The following VPS26A variants were observed in gnomAD, a reference collection of about 807,000 sequenced individuals.
VPS26A encodes the protein VPS26 retromer complex component A, also known as vacuolar protein sorting-associated protein 26A.
A neutral mutation model predicts 42.4 loss-of-function variants in VPS26A; 22 were observed. The ratio of observed to expected loss-of-function variants is 0.52; its 90% confidence interval spans 0.37 to 0.74. The LOEUF is 0.74. Among genes scored for constraint, VPS26A ranks in the 30% least tolerant of loss-of-function variants. The pLI, the probability that VPS26A is intolerant of heterozygous loss-of-function variation, is 0.00. For synonymous variants in VPS26A, 110 were observed against 123.5 expected, an observed-to-expected ratio of 0.89 and a Z score of 0.73; for missense variants, 276 against 379.2, an observed-to-expected ratio of 0.73 and a Z score of 2.26.
intron 2 of VPS26A, among the ~76,000 whole-genome samples, chr10:69,153,330 A>G (rs747185140): frequency 2.0e-5 from 3 of 151,428 alleles, no homozygotes; most frequent in Admixed American, 1.3e-4. Flanking sequence ...GATTACAGGC[A>G]TGAGCCACTG....
At chr10:69,130,954 GT>G (rs1840762949) in intron 1 of VPS26A, among the ~76,000 whole-genome samples, 1 of 152,030 alleles carries the variant, frequency 6.6e-6, no homozygotes, top group South Asian at 2.1e-4. Flanking sequence ...TACTTGGATT[GT>G]TTCTATTTGG....
chr10:69,132,210 T>C (rs1840795090), intron 1 of VPS26A, among the ~76,000 whole-genome samples: 2 of 152,172 alleles, frequency 1.3e-5, no homozygotes, highest in African/African-American at 4.8e-5. Flanking sequence ...AATAAAAGTA[T>C]AAATAAAGGT....
In VPS26A at chr10:69,133,134, T is replaced by G. The variant is rs61515625; in HGVS notation, c.153+87T>G. 4.2e-5 allele frequency: 58 copies of G among 1,366,502 alleles called. No homozygotes were observed. The African/African-American group carries it at 8.1e-4, about 19-fold the overall frequency. The allele number at this position is 1,366,502 out of a possible 1,614,324, so 84.6% of individuals were successfully genotyped here. A position where few individuals can be genotyped will look rare whatever the true frequency, so the allele number is the denominator to read the frequency against. ...GTCTGTGCTGTTTCTTAAATTTGAATAATTTTATGAGGGAGAGAGATTTTT... is the reference window on the plus strand; with the variant it reads ...GTCTGTGCTGTTTCTTAAATTTGAAGAATTTTATGAGGGAGAGAGATTTTT... On this transcript the variant is annotated intron_variant, in intron 2 of 8. Coordinates refer to ENST00000263559, the MANE Select transcript of VPS26A (RefSeq NM_004896.5).
intron 1 of VPS26A, among the ~76,000 whole-genome samples, chr10:69,129,684 C>G (rs1269820176): frequency 6.6e-6 from 1 of 152,010 alleles, no homozygotes; most frequent in African/African-American, 2.4e-5. Context: ...CCACTACGCC[C>G]AGTTAATTTT....
Position 69,158,174 on chromosome 10 carries a change from G to A in VPS26A, c.514G>A (p.Asp172Asn), listed in dbSNP as rs1841473071. The A allele has an allele frequency of 6.2e-7, 1 of 1,608,708 alleles. No individual in the cohort carries two copies. The highest frequency in any genetic ancestry group is 1.7e-5 in the Admixed American group (1 of 58,932). Residue 172 changes from aspartate to asparagine, a missense_variant, in exon 5 of 9, where the codon GAT (aspartate) becomes AAT (asparagine). By Grantham distance (23) the Asp-to-Asn change is conservative (BLOSUM62 1). Coordinates refer to ENST00000263559, the MANE Select transcript of VPS26A (RefSeq NM_004896.5). ...NSIKMEVGIEDCLHIEFEYNK... is the reference protein window; with the variant it reads ...NSIKMEVGIENCLHIEFEYNK... ...TATTAAGATGGAAGTGGGCATTGAA[G>A]ATTGTCTACATATAGAATTTGAATA...
rs1430878571 is a variant in VPS26A at position 69,124,200 on chromosome 10, G to C, written c.-78G>C. 1.6e-6 allele frequency: 2 copies of C among 1,262,088 alleles called. No homozygotes were observed. Among genetic ancestry groups the C allele is most frequent in the Non-Finnish European group, 2.0e-6 (2 of 997,208 alleles). The allele number at this position is 1,262,088 out of a possible 1,614,324, so 78.2% of individuals were successfully genotyped here. ...CCCGAGGTCACGTGACGGAGCGCCG[G>C]AGCGGAGGGAGCCGGGGCTGGGAGT... On this transcript the variant is annotated 5_prime_UTR_variant, in exon 1 of 9. Coordinates refer to ENST00000263559, the MANE Select transcript of VPS26A (RefSeq NM_004896.5).
At chr10:69,136,775 C>T (rs1472636045) in intron 2 of VPS26A, among the ~76,000 whole-genome samples, 1 of 147,810 alleles carries the variant, frequency 6.8e-6, no homozygotes, top group Non-Finnish European at 1.5e-5. Flanking sequence ...CTTTTTTGGC[C>T]TGTTTTGTTA....
chr10:69,133,657 G>A, intron 2 of VPS26A: 1 of 1,246,388 alleles, frequency 8.0e-7, no homozygotes, highest in South Asian at 1.3e-5. Context: ...ACGGTTTTTT[G>A]TTTTGGGTTT....
chr10:69,142,182 C>CTTT (rs143922304), intron 2 of VPS26A, among the ~76,000 whole-genome samples: 31 of 84,918 alleles, frequency 3.7e-4, no homozygotes, highest in African/African-American at 9.5e-4. Context: ...CATACCAGGC[C>CTTT]TTTTTTTTTT....
intron 6 of VPS26A, among the ~76,000 whole-genome samples, chr10:69,165,548 G>A (rs1398492920): frequency 6.6e-6 from 1 of 152,116 alleles, no homozygotes; most frequent in Non-Finnish European, 1.5e-5. Context: ...TCGCTCACCT[G>A]TAATCCCACT....
intron 7 of VPS26A, among the ~76,000 whole-genome samples, chr10:69,166,616 G>C (rs368654701): frequency 2.6e-5 from 4 of 152,146 alleles, no homozygotes; most frequent in African/African-American, 7.2e-5. Context: ...CACAAAGCCA[G>C]TACCATTTAT....
At chr10:69,154,427 T>C (rs948096439) in intron 2 of VPS26A, among the ~76,000 whole-genome samples, 2 of 152,104 alleles carry the variant, frequency 1.3e-5, no homozygotes, top group Non-Finnish European at 2.9e-5. Flanking sequence ...TCCCAGCTAC[T>C]TGGGAGGCTG....
intron 1 of VPS26A, among the ~76,000 whole-genome samples, chr10:69,125,008 C>G (rs1240418530): frequency 2.6e-5 from 4 of 152,180 alleles, no homozygotes; most frequent in Non-Finnish European, 4.4e-5. Context: ...TCACCACAGT[C>G]CGCGGAAGCA....
Position 69,124,229 on chromosome 10 carries a change from C to A in VPS26A, c.-49C>A. The A allele has an allele frequency of 7.8e-7, 1 of 1,280,716 alleles. No individual in the cohort carries two copies. Among genetic ancestry groups the A allele is most frequent in the Non-Finnish European group, 9.9e-7 (1 of 1,008,510 alleles). The allele number at this position is 1,280,716 out of a possible 1,614,324, so 79.3% of individuals were successfully genotyped here. ...GGAGGGAGCCGGGGCTGGGAGTTCT[C>A]CTGAGGGAAGAGGAGTGGAGTAGGG... On this transcript the variant is annotated 5_prime_UTR_variant, in exon 1 of 9. Transcript: ENST00000263559.
intron 2 of VPS26A, 136 bp from the exon 3 acceptor site, chr10:69,155,676 T>C: frequency 1.5e-6 from 1 of 683,618 alleles, no homozygotes; most frequent in South Asian, 1.7e-5. Context: ...TCATCCTGAT[T>C]TAGGTATGTG....
intron 2 of VPS26A, among the ~76,000 whole-genome samples, chr10:69,143,764 T>TG (rs1210762717): frequency 6.6e-6 from 1 of 152,210 alleles, no homozygotes; most frequent in Non-Finnish European, 1.5e-5. Flanking sequence ...TCACCCAGGC[T>TG]GGAGTGTAGT....
intron 1 of VPS26A, among the ~76,000 whole-genome samples, chr10:69,131,104 G>T (rs750846105): frequency 6.6e-5 from 10 of 152,100 alleles, no homozygotes; most frequent in Non-Finnish European, 1.2e-4. Context: ...TCCTGCCTCA[G>T]CCTCCCGAGT....
At chr10:69,148,753 TA>T (rs1220500286) in intron 2 of VPS26A, among the ~76,000 whole-genome samples, 1 of 140,676 alleles carries the variant, frequency 7.1e-6, no homozygotes, top group East Asian at 2.0e-4. Flanking sequence ...GAGCAGAGAG[TA>T]TTTTTTTTTT....
intron 2 of VPS26A, among the ~76,000 whole-genome samples, chr10:69,153,821 T>C (rs1841373018): frequency 6.6e-6 from 1 of 152,162 alleles, no homozygotes; most frequent in Admixed American, 6.6e-5. Context: ...TGCTTTCTCT[T>C]TCCTTTTTCT....
Sources: allele counts gnomAD v4.1 joint callset (sites outside exome capture counted in the v4.1 genomes callset), GRCh38; gene constraint gnomAD v4.1.1; transcripts MANE v1.5; gene names NCBI Gene and HGNC (gene_info 2026-07-23, HGNC 2026-07-21).